EIF3H: variants seen among roughly 807,000 people sequenced by gnomAD.
The protein encoded by EIF3H is eIF-3-gamma.
A neutral mutation model predicts 44.2 loss-of-function variants in EIF3H; 26 were observed. That is an observed-to-expected ratio of 0.59 (90% confidence interval 0.43 to 0.82). The LOEUF (loss-of-function observed/expected upper bound fraction) is 0.82, where lower values mean the gene tolerates loss of function less well. Ranked by LOEUF, EIF3H falls within the 40% of genes least tolerant of loss-of-function variation. The pLI is 0.00. For synonymous variants in EIF3H, 166 were observed against 151.9 expected (o/e 1.09, Z -0.68); for missense variants, 359 against 432.8 (o/e 0.83, Z 1.51).
intron 4 of EIF3H, 113 bp from the exon 5 acceptor site, chr8:116,656,118 G>T: frequency 1.0e-5 from 9 of 901,396 alleles, no homozygotes; most frequent in Admixed American, 3.2e-5. Context: ...TGTTTCATTA[G>T]CACTCTTAAA....
At chr8:116,753,982 T>TGCATAAGTGG (rs1368954043) in intron 1 of EIF3H, among the ~76,000 whole-genome samples, 3 of 152,204 alleles carry the variant, frequency 2.0e-5, no homozygotes, top group Non-Finnish European at 4.4e-5. Flanking sequence ...TTTTAACAAG[T>TGCATAAGTGG]GTAATCTAAG....
In EIF3H at chr8:116,680,064, C is replaced by T. The variant is rs1167693726; in HGVS notation, c.290-21084G>A. The stretch of plus-strand genomic sequence containing the variant: ...GGGGGGGTCGGCCAGCCGCCCTGTC[C>T]AGGAGGGAGGTGGGGGGATCAGCCC... On this transcript the variant is annotated intron_variant, in intron 2 of 7. Coordinates refer to ENST00000521861, the MANE Select transcript of EIF3H (RefSeq NM_003756.3). Among the ~76,000 whole-genome samples, 28 of 35,446 alleles carry T rather than the reference C, an allele frequency of 7.9e-4. 8 individuals carry two copies. Among genetic ancestry groups the T allele is most frequent in the African/African-American group, 2.3e-3 (24 of 10,220 alleles). The allele number at this position is 35,446 out of a possible 152,430, so 23.3% of individuals were successfully genotyped here. A position where few individuals can be genotyped will look rare whatever the true frequency, so the allele number is the denominator to read the frequency against.
intron 1 of EIF3H, among the ~76,000 whole-genome samples, chr8:116,727,193 C>T (rs1231761875): frequency 6.6e-6 from 1 of 152,212 alleles, no homozygotes; most frequent in African/African-American, 2.4e-5. Context: ...CAGGTCAGCT[C>T]AGCCACACGG....
At chr8:116,696,932 G>T (rs1214533859) in intron 2 of EIF3H, 4 of 337,898 alleles carry the variant, frequency 1.2e-5, no homozygotes, top group Non-Finnish European at 5.8e-6. Flanking sequence ...AAAACCAACA[G>T]TTAAGGCAGA....
At chr8:116,711,280 ACCCTATT>A (rs1798223718) in intron 2 of EIF3H, among the ~76,000 whole-genome samples, 1 of 152,116 alleles carries the variant, frequency 6.6e-6, no homozygotes, top group Admixed American at 6.5e-5. Context: ...CTTCTATACC[ACCCTATT>A]CCCCATTTTA....
chr8:116,650,350 C>T (rs1813367630), intron 5 of EIF3H, among the ~76,000 whole-genome samples: 2 of 152,030 alleles, frequency 1.3e-5, no homozygotes, highest in Admixed American at 6.6e-5. Flanking sequence ...ACCAAATTAC[C>T]ATATAACCCA....
chr8:116,731,543 T>C (rs1056316785), intron 1 of EIF3H, among the ~76,000 whole-genome samples: 2 of 152,178 alleles, frequency 1.3e-5, no homozygotes, highest in African/African-American at 4.8e-5. Flanking sequence ...CGTGGGTTGC[T>C]GAAAAGTGAA....
intron 1 of EIF3H, among the ~76,000 whole-genome samples, chr8:116,752,201 G>A (rs1023279783): frequency 1.3e-5 from 2 of 152,276 alleles, no homozygotes; most frequent in South Asian, 2.1e-4. Flanking sequence ...ATCATTTTGT[G>A]GATGAGAAAA....
chr8:116,759,756 G>C (rs1267979961), upstream of EIF3H, among the ~76,000 whole-genome samples: 1 of 151,986 alleles, frequency 6.6e-6, no homozygotes, highest in South Asian at 2.1e-4. Flanking sequence ...TGCTTGCCGT[G>C]TCTTACTTTG....
At chr8:116,755,534 A>C in intron 1 of EIF3H, 132 bp downstream of exon 1, 1 of 1,204,454 alleles carries the variant, frequency 8.3e-7, no homozygotes, top group Non-Finnish European at 1.1e-6. Flanking sequence ...GATGAAAGAG[A>C]AACGTACTAG....
chr8:116,661,589 C>T (rs1813587636), intron 2 of EIF3H, among the ~76,000 whole-genome samples: 1 of 152,200 alleles, frequency 6.6e-6, no homozygotes, highest in South Asian at 2.1e-4. Context: ...ACTGGACATA[C>T]TAATTATAAA....
At chr8:116,752,787 GGGAGGGAGGGAAGGAA>G (rs1344102173) in intron 1 of EIF3H, among the ~76,000 whole-genome samples, 1,669 of 27,366 alleles carry the variant, frequency 0.061, 120 homozygotes, top group African/African-American at 0.15. Flanking sequence ...GAGGGAGGGA[GGGAGGGAGGGAAGGAA>G]GGAAGGAAGG....
chr8:116,755,305 C>T (rs1406206360), intron 1 of EIF3H, among the ~76,000 whole-genome samples: 3 of 152,208 alleles, frequency 2.0e-5, no homozygotes, highest in Non-Finnish European at 4.4e-5. Context: ...TCCTTACTCT[C>T]TCCTTCCCAG....
chr8:116,657,652 A>C (rs1813513973), intron 3 of EIF3H: 1 of 226,150 alleles, frequency 4.4e-6, no homozygotes, highest in Non-Finnish European at 8.6e-6. Context: ...TATAATTAGG[A>C]AATCACTGAT....
chr8:116,746,541 A>C (rs1278922053), intron 1 of EIF3H, among the ~76,000 whole-genome samples: 1 of 152,206 alleles, frequency 6.6e-6, no homozygotes, highest in African/African-American at 2.4e-5. Context: ...TGAGTCAAGG[A>C]TGGCTAGATG....
chr8:116,696,707 T>C (rs574038918), intron 2 of EIF3H, among the ~76,000 whole-genome samples: 1 of 152,234 alleles, frequency 6.6e-6, no homozygotes, highest in Non-Finnish European at 1.5e-5. Flanking sequence ...GGGGTTTTTT[T>C]TTGTTGTTGT....
upstream of EIF3H, among the ~76,000 whole-genome samples, chr8:116,756,915 G>A (rs1210438328): frequency 6.6e-6 from 1 of 152,130 alleles, no homozygotes; most frequent in African/African-American, 2.4e-5. Flanking sequence ...ACAAAAAGAA[G>A]AAAGAAAATC....
chr8:116,658,808 C>T lies in EIF3H; in HGVS notation c.457+5G>A. 6.2e-7 allele frequency: 1 copy of T among 1,607,400 alleles called. No individual in the cohort carries two copies. Among genetic ancestry groups the T allele is most frequent in the Non-Finnish European group, 8.5e-7 (1 of 1,178,054 alleles). On this transcript the variant is annotated splice_donor_5th_base_variant and intron_variant, in intron 3 of 7. Coordinates refer to ENST00000521861, the MANE Select transcript of EIF3H (RefSeq NM_003756.3). ...GGAAAAAAGAATAATAAACCTCCTA[C>T]TAACCATAAATGAGAACGACAGATT...
chr8:116,649,289 T>C (rs1434950537), intron 5 of EIF3H, among the ~76,000 whole-genome samples: 1 of 152,188 alleles, frequency 6.6e-6, no homozygotes, highest in Admixed American at 6.5e-5. Flanking sequence ...CCAAATGCAT[T>C]CCATAACATT....
Sources: allele counts gnomAD v4.1 joint callset (sites outside exome capture counted in the v4.1 genomes callset), GRCh38; gene constraint gnomAD v4.1.1; transcripts MANE v1.5; gene names NCBI Gene and HGNC (gene_info 2026-07-23, HGNC 2026-07-21).